AP2A1: variants seen among roughly 807,000 people sequenced by gnomAD.
The protein encoded by AP2A1 is adaptor related protein complex 2 subunit alpha 1.
A neutral mutation model predicts 107.3 loss-of-function variants in AP2A1; 21 were observed. The ratio of observed to expected loss-of-function variants is 0.20; its 90% CI spans 0.14 to 0.28. AP2A1 has a LOEUF of 0.28. AP2A1 is among the 10% of genes least tolerant of loss of function. The probability of loss-of-function intolerance (pLI) is 1.00; values close to 1 mark genes in which losing one functional copy is unlikely to be tolerated. For synonymous variants in AP2A1, 602 were observed against 564.8 expected, an observed-to-expected ratio of 1.07 and a Z score of -0.93; for missense variants, 873 against 1,307.7, an observed-to-expected ratio of 0.67 and a Z score of 5.13.
chr19:49,800,732 A>G, intron 11 of AP2A1: 1 of 446,354 alleles, frequency 2.2e-6, no homozygotes, highest in Non-Finnish European at 4.0e-6. Context: ...CGGCCTCCCA[A>G]AGTACCAGGA....
chr19:49,779,487 CA>C (rs370114853), intron 1 of AP2A1, among the ~76,000 whole-genome samples: 8,210 of 83,304 alleles, frequency 0.099, 102 homozygotes, highest in East Asian at 0.18. Flanking sequence ...GCCTGGGCTA[CA>C]AAAAAAAAAA....
chr19:49,795,403 C>T (rs543243616), intron 6 of AP2A1, among the ~76,000 whole-genome samples: 14 of 152,264 alleles, frequency 9.2e-5, no homozygotes, highest in African/African-American at 3.4e-4. Flanking sequence ...ATGCCTGTAA[C>T]CCCAGGACAT....
rs564740023 is a variant in AP2A1 at position 49,786,987 on chromosome 19, T to C, written c.473+4263T>C. 3.3e-5 allele frequency among the ~76,000 whole-genome samples: 5 copies of C among 152,246 alleles called. No homozygotes were observed. In the South Asian group the frequency reaches 8.3e-4, roughly 25 times the overall value. On this transcript the variant is annotated intron_variant, in intron 4 of 22. Coordinates refer to ENST00000354293, the MANE Select transcript of AP2A1 (RefSeq NM_130787.3). ...GTGACTGGGGCACGAAGGAACTTTA[T>C]TTTGTAGGTAGACTTTTATTTAACT...
intron 7 of AP2A1, among the ~76,000 whole-genome samples, chr19:49,798,566 G>T (rs1389518419): frequency 6.6e-6 from 1 of 152,174 alleles, no homozygotes; most frequent in Non-Finnish European, 1.5e-5. Flanking sequence ...CAGGAGGAGA[G>T]CCCAGGTCTG....
intron 18 of AP2A1, chr19:49,803,630 G>T (rs2073321546): frequency 1.9e-6 from 1 of 524,946 alleles, no homozygotes; most frequent in Non-Finnish European, 3.4e-6. Flanking sequence ...TTTTGTCCCT[G>T]TCTGGCACCT....
chr19:49,783,058 A>G (rs2084696661), intron 4 of AP2A1, among the ~76,000 whole-genome samples: 1 of 152,138 alleles, frequency 6.6e-6, no homozygotes, highest in Admixed American at 6.5e-5. Context: ...TTCACCAAAC[A>G]TTTACTGAGC....
chr19:49,799,658 G>T lies in AP2A1; in HGVS notation c.1164G>T (p.Arg388=), dbSNP rs1469505110. The T allele has an allele frequency of 1.2e-6, 2 of 1,611,874 alleles. No homozygotes were observed. Among genetic ancestry groups the T allele is most frequent in the Non-Finnish European group, 8.5e-7 (1 of 1,179,856 alleles). The change falls in exon 10 of 23, where the codon CGG becomes CGT. Residue 388 remains arginine (R), a synonymous_variant. Coordinates refer to ENST00000354293, the MANE Select transcript of AP2A1 (RefSeq NM_130787.3). ...AGCGGGACGTCAGCGTGCGGCAGCG[G>T]GCGGCTGACCTCCTCTACGCCATGT... The part of the protein sequence containing the change: ...KTERDVSVRQ[R]AADLLYAMCD...
intron 18 of AP2A1, 83 bp from the exon 19 acceptor site, chr19:49,805,370 C>CT (rs1169161838): frequency 1.3e-5 from 19 of 1,421,400 alleles, no homozygotes; most frequent in South Asian, 1.0e-4. Flanking sequence ...CAGGCGGGAG[C>CT]TGCCGGGAGC....
intron 5 of AP2A1, among the ~76,000 whole-genome samples, chr19:49,792,351 G>A (rs1280691242): frequency 4.4e-5 from 6 of 136,088 alleles, no homozygotes; most frequent in Non-Finnish European, 9.5e-5. Flanking sequence ...TCACGCCCCC[G>A]GATACCCAGG....
chr19:49,795,867 C>T (rs2073207529), intron 7 of AP2A1, 129 bp downstream of exon 7: 2 of 742,872 alleles, frequency 2.7e-6, no homozygotes, highest in Non-Finnish European at 4.5e-6. Context: ...GGGGCGGTTC[C>T]TCTGTCCCCT....
chr19:49,803,505 T>C (rs1271246695), intron 18 of AP2A1, 129 bp downstream of exon 18: 1 of 739,244 alleles, frequency 1.4e-6, no homozygotes, highest in East Asian at 2.7e-5. Context: ...TCTCTGAGAT[T>C]GAGTGTCTGC....
chr19:49,770,028 T>C (rs1433179440), intron 1 of AP2A1, among the ~76,000 whole-genome samples: 3 of 151,996 alleles, frequency 2.0e-5, no homozygotes, highest in African/African-American at 7.3e-5. Context: ...GCCACCACGC[T>C]TGGCTAATTT....
At position 49,781,652 on chromosome 19, in the gene AP2A1, GAGA is replaced by G. The variant is rs2084676864; in HGVS notation, c.68-101_68-99del. The G allele has an allele frequency of 2.7e-5, 32 of 1,196,682 alleles. No individual in the cohort carries two copies. The South Asian group carries it at 3.0e-4, about 11-fold the overall frequency. 74.1% of individuals were successfully genotyped at this position (1,196,682 alleles called of 1,614,324 possible). ...TCCTGAGCCCCAGGGCTTGGGGGCG[GAGA>G]AGATCTGCCCTTCCTGCTGGGTGGG... On this transcript the variant is annotated intron_variant, in intron 1 of 22. Coordinates refer to ENST00000354293, the MANE Select transcript of AP2A1 (RefSeq NM_130787.3).
In AP2A1 at chr19:49,803,102, C is replaced by A; in HGVS notation, c.2172-5C>A. The A allele has an allele frequency of 6.2e-7, 1 of 1,613,996 alleles. No homozygotes were observed. ...CCCGTCATCTTGCGCCCCCTGCCCC[C>A]TCAGGTTTGTGTGTAAGAACAACGG... On this transcript the variant is annotated splice_region_variant and splice_polypyrimidine_tract_variant and intron_variant, in intron 16 of 22. Transcript: ENST00000354293.
At position 49,792,005 on chromosome 19, in the gene AP2A1, C is replaced by A. The variant is rs2073148932; in HGVS notation, c.544C>A (p.Leu182Met). ...LLRLYKASPD[L>M]VPMGEWTARV... ...TCGACTGTACAAGGCCTCGCCTGAC[C>A]TGGTGCCCATGGGCGAGTGGACGGC... The change falls in exon 5 of 23, where the codon CTG (leucine) becomes ATG (methionine). Residue 182 changes from leucine (L) to methionine (M), a missense_variant. By Grantham distance (15) the Leu-to-Met change is conservative. Coordinates refer to ENST00000354293, the MANE Select transcript of AP2A1 (RefSeq NM_130787.3). The A allele has an allele frequency of 6.2e-7, 1 of 1,613,024 alleles. No homozygotes were observed.
intron 1 of AP2A1, 117 bp downstream of exon 1, chr19:49,767,317 C>A: frequency 7.8e-7 from 1 of 1,273,978 alleles, no homozygotes; most frequent in Non-Finnish European, 1.1e-6. Flanking sequence ...CGTATAGGGA[C>A]AGCATAGATG....
In AP2A1 at chr19:49,801,745, G is replaced by A. The variant is rs1600242702; in HGVS notation, c.1809G>A (p.Pro603=). 1 of 1,565,126 alleles carries A rather than the reference G, an allele frequency of 6.4e-7. No homozygotes were observed. The highest frequency in any genetic ancestry group is 1.7e-4 in the Middle Eastern group (1 of 5,994). Residue 603 remains proline (P), a synonymous_variant, in exon 14 of 23, where the codon CCG becomes CCA. Coordinates refer to ENST00000354293, the MANE Select transcript of AP2A1 (RefSeq NM_130787.3). ...AGGCCACGGTGCTGGAGGAGATGCC[G>A]CCCTTCCCCGAGCGCGAGTCGTCCA... ...DVLATVLEEM[P]PFPERESSIL... is the part of the protein sequence containing the mutation.
At chr19:49,777,634 C>CAAA (rs750227185) in intron 1 of AP2A1, among the ~76,000 whole-genome samples, 38 of 95,830 alleles carry the variant, frequency 4.0e-4, no homozygotes, top group East Asian at 1.4e-3. Context: ...GACTCCATCA[C>CAAA]AAAAAAAAAA....
intron 4 of AP2A1, among the ~76,000 whole-genome samples, chr19:49,784,043 T>C (rs956797197): frequency 6.6e-6 from 1 of 152,284 alleles, no homozygotes; most frequent in Non-Finnish European, 1.5e-5. Context: ...TTCAGTGATA[T>C]CCACAGATAA....
Sources: gnomAD v4.1 joint callset for allele counts (sites outside exome capture counted in the v4.1 genomes callset) on GRCh38, gnomAD v4.1.1 for gene constraint, MANE v1.5 for transcripts, NCBI Gene and HGNC (gene_info 2026-07-23, HGNC 2026-07-21) for gene names.